The following ATRNL1 variants were observed in gnomAD, a reference collection of about 807,000 sequenced individuals.
ATRNL1 encodes attractin-like protein 1.
In ATRNL1, 95 loss-of-function variants were observed where a neutral mutation model predicts 182.7. That is an observed-to-expected ratio of 0.52 (90% CI 0.44 to 0.62). The LOEUF (loss-of-function observed/expected upper bound fraction) is 0.62. Among genes scored for constraint, ATRNL1 ranks in the 20% least tolerant of loss-of-function variants. ATRNL1 has a pLI of 0.00. For missense variants in ATRNL1, 1,471 were observed against 1,679.5 expected (o/e 0.88, Z 2.17); for synonymous variants, 576 against 568.3 (o/e 1.01, Z -0.19).
chr10:115,491,243 G>A (rs782707267), intron 24 of ATRNL1, among the ~76,000 whole-genome samples: 13 of 152,242 alleles, frequency 8.5e-5, no homozygotes, highest in Non-Finnish European at 1.2e-4. Context: ...ACTTGAGGCC[G>A]TCTGTTCCTT....
intron 15 of ATRNL1, among the ~76,000 whole-genome samples, chr10:115,288,642 C>A (rs1269512428): frequency 6.6e-6 from 1 of 151,994 alleles, no homozygotes; most frequent in Non-Finnish European, 1.5e-5. Flanking sequence ...CCGCCTCAGC[C>A]TCCCGAGTAG....
intron 25 of ATRNL1, among the ~76,000 whole-genome samples, chr10:115,534,040 G>A (rs1592804206): frequency 1.3e-5 from 2 of 151,396 alleles, no homozygotes; most frequent in African/African-American, 4.8e-5. Flanking sequence ...GGTCAATTTT[G>A]GAATAGGTGT....
chr10:115,687,363 A>G (rs1017196669), intron 26 of ATRNL1, among the ~76,000 whole-genome samples: 46 of 152,018 alleles, frequency 3.0e-4, no homozygotes, highest in African/African-American at 1.1e-3. Context: ...GGTGCCATGT[A>G]GCATTTGCCC....
chr10:115,093,729 C>T lies in ATRNL1; in HGVS notation c.-22C>T, dbSNP rs1554862234. ...GTCGGCGCCCGCGAGCGCAGTCTCGCCGGGCAGGGGCGCCGGGGAAGATGG... is the reference window on the plus strand; with the variant it reads ...GTCGGCGCCCGCGAGCGCAGTCTCGTCGGGCAGGGGCGCCGGGGAAGATGG... On this transcript the variant is annotated 5_prime_UTR_variant, in exon 1 of 29. Transcript: ENST00000355044. This position sits in a 1 kb window ranked among gnomAD's most constrained non-coding sequence, Gnocchi z 6.1. 11 of 1,416,862 alleles carry T rather than the reference C, an allele frequency of 7.8e-6. No homozygotes were observed. Among genetic ancestry groups the T allele is most frequent in the Non-Finnish European group, 9.2e-6 (10 of 1,092,168 alleles). 87.8% of individuals were successfully genotyped at this position (1,416,862 alleles called of 1,614,324 possible).
intron 24 of ATRNL1, among the ~76,000 whole-genome samples, chr10:115,503,952 A>G (rs1384760526): frequency 1.3e-5 from 2 of 151,880 alleles, no homozygotes; most frequent in African/African-American, 4.8e-5. Context: ...CTTGTAATAT[A>G]ACCTTTAAAT....
At chr10:115,095,700 G>GT (rs1222798992) in intron 1 of ATRNL1, among the ~76,000 whole-genome samples, 109 of 150,480 alleles carry the variant, frequency 7.2e-4, no homozygotes, top group African/African-American at 2.1e-3. Context: ...CTTGTTAGTT[G>GT]TTTTTTTTTG....
intron 27 of ATRNL1, among the ~76,000 whole-genome samples, chr10:115,833,125 A>G (rs1409069195): frequency 6.6e-6 from 1 of 152,214 alleles, no homozygotes; most frequent in African/African-American, 2.4e-5. Context: ...TTAAGGAGAT[A>G]AAGGAGCTAA....
intron 27 of ATRNL1, among the ~76,000 whole-genome samples, chr10:115,838,670 C>A (rs1950735434): frequency 1.3e-5 from 2 of 152,148 alleles, no homozygotes; most frequent in African/African-American, 2.4e-5. Flanking sequence ...GTGTCTTTAG[C>A]ATTCTGTGAA....
In ATRNL1 at chr10:115,791,214, T is replaced by C. The variant is rs146191280; in HGVS notation, c.3904-56663T>C. Among the ~76,000 whole-genome samples the C allele has an allele frequency of 8.0e-3, 1,220 of 152,284 alleles. 16 individuals are homozygous for C. Among genetic ancestry groups the C allele is most frequent in the Middle Eastern group, 0.01 (3 of 294 alleles). On this transcript the variant is annotated intron_variant, in intron 27 of 28. Transcript: ENST00000355044. ...TGAGGCCTTGCAGAGCCAGACCCTA[T>C]AAAATTGTGCTTCCCCCTTCCTCAT...
intron 20 of ATRNL1, among the ~76,000 whole-genome samples, chr10:115,399,866 G>A (rs1312262670): frequency 2.6e-5 from 4 of 151,844 alleles, no homozygotes; most frequent in African/African-American, 9.7e-5. Context: ...TGCCGTTTAG[G>A]ACATAGGCAT....
chr10:115,753,658 T>C (rs189408835), intron 27 of ATRNL1, among the ~76,000 whole-genome samples: 35 of 152,222 alleles, frequency 2.3e-4, no homozygotes, highest in African/African-American at 8.2e-4. Context: ...GTCTTTATAG[T>C]CGAATGACTT....
chr10:115,824,472 A>C (rs187397311), intron 27 of ATRNL1, among the ~76,000 whole-genome samples: 1 of 152,204 alleles, frequency 6.6e-6, no homozygotes, highest in Admixed American at 6.5e-5. Flanking sequence ...AAAGGAAACT[A>C]TCATCAGAGT....
chr10:115,528,431 C>G (rs2133735789), intron 25 of ATRNL1, among the ~76,000 whole-genome samples: 1 of 152,146 alleles, frequency 6.6e-6, no homozygotes, highest in African/African-American at 2.4e-5. Context: ...ATAGTACTCT[C>G]CTATAATCAT....
At chr10:115,413,953 A>C (rs1279665088) in intron 20 of ATRNL1, among the ~76,000 whole-genome samples, 3 of 152,088 alleles carry the variant, frequency 2.0e-5, no homozygotes, top group African/African-American at 7.2e-5. Context: ...ACATGCATAC[A>C]TATGCATGTA....
chr10:115,615,177 T>C (rs1857368000), intron 26 of ATRNL1, among the ~76,000 whole-genome samples: 1 of 152,116 alleles, frequency 6.6e-6, no homozygotes, highest in African/African-American at 2.4e-5. Flanking sequence ...CTCTTTCTCA[T>C]GAGGGTATCT....
chr10:115,200,986 G>T (rs1377925953), intron 8 of ATRNL1, among the ~76,000 whole-genome samples: 2 of 151,226 alleles, frequency 1.3e-5, no homozygotes, highest in African/African-American at 4.9e-5. Flanking sequence ...CAGTGATGAT[G>T]AGCATTTTTT....
At chr10:115,532,135 T>G (rs12768060) in intron 25 of ATRNL1, among the ~76,000 whole-genome samples, 1 of 151,106 alleles carries the variant, frequency 6.6e-6, no homozygotes, top group African/African-American at 2.4e-5. Context: ...TCCATATGAA[T>G]TTTAAAGTAG....
chr10:115,697,661 C>T (rs1365417717), intron 26 of ATRNL1, among the ~76,000 whole-genome samples: 3 of 151,896 alleles, frequency 2.0e-5, no homozygotes, highest in African/African-American at 7.3e-5. Flanking sequence ...CTGTGTGTTA[C>T]ATATATAATT....
At chr10:115,514,793 T>C (rs972009821) in intron 24 of ATRNL1, among the ~76,000 whole-genome samples, 2 of 151,964 alleles carry the variant, frequency 1.3e-5, no homozygotes, top group Non-Finnish European at 2.9e-5. Flanking sequence ...AAGACTCATA[T>C]TTGAATATTA....
Sources: allele counts gnomAD v4.1 joint callset (sites outside exome capture counted in the v4.1 genomes callset), GRCh38; gene constraint gnomAD v4.1.1; non-coding constraint Gnocchi (gnomAD v3.1); transcripts MANE v1.5; gene names NCBI Gene and HGNC (gene_info 2026-07-23, HGNC 2026-07-21).